The following ZNF570 variants were observed in gnomAD, a reference collection of about 807,000 sequenced individuals.
ZNF570 encodes the protein zinc finger protein 570.
A neutral mutation model predicts 14.2 loss-of-function variants in ZNF570; 8 were observed. The ratio of observed to expected loss-of-function variants is 0.56; its 90% CI spans 0.33 to 1.02. The LOEUF is 1.02. Ranked by LOEUF, ZNF570 falls within the 50% of genes least tolerant of loss-of-function variation. ZNF570 has a pLI of 0.03. For synonymous variants in ZNF570, 202 were observed against 207.6 expected (o/e 0.97, Z 0.23); for missense variants, 559 against 624.9 (o/e 0.89, Z 1.12).
chr19:37,480,450 C>G (rs2042074555), intron 4 of ZNF570, among the ~76,000 whole-genome samples: 1 of 152,130 alleles, frequency 6.6e-6, no homozygotes, highest in African/African-American at 2.4e-5. Flanking sequence ...TGCCACTGCA[C>G]TCCAGCCTGG....
chr19:37,481,740 T>G (rs575205034), intron 4 of ZNF570, among the ~76,000 whole-genome samples: 1 of 152,294 alleles, frequency 6.6e-6, no homozygotes, highest in East Asian at 1.9e-4. Flanking sequence ...TTCTCTGTGT[T>G]TATTTTTCTT....
At chr19:37,480,512 G>C (rs748575399) in intron 4 of ZNF570, among the ~76,000 whole-genome samples, 3 of 151,894 alleles carry the variant, frequency 2.0e-5, no homozygotes, top group Non-Finnish European at 2.9e-5. Flanking sequence ...AAAACACCAA[G>C]AACCTTAGAC....
rs1437758229 is a variant in ZNF570 at position 37,469,525 on chromosome 19, C to A, written c.-84C>A. ...CGTGTGGGTCTCCGGAAGCTCGTCG[C>A]AGGCCATCTGTGTGACTCCGGTGCG... On this transcript the variant is annotated 5_prime_UTR_variant, in exon 1 of 5. Transcript: ENST00000330173. The A allele has an allele frequency of 1.3e-6, 2 of 1,536,236 alleles. No homozygotes were observed. Among genetic ancestry groups the A allele is most frequent in the East Asian group, 4.9e-5 (2 of 40,910 alleles).
chr19:37,471,879 T>A (rs1441328236), intron 2 of ZNF570, among the ~76,000 whole-genome samples: 1 of 151,856 alleles, frequency 6.6e-6, no homozygotes, highest in African/African-American at 2.4e-5. Context: ...ATCAGGAAAT[T>A]AGAGACTTCA....
rs1385058626 is a variant in ZNF570 at position 37,484,126 on chromosome 19, G to C, written c.504G>C (p.Trp168Cys). The change falls in exon 5 of 5, where the codon TGG becomes TGC. Residue 168 changes from tryptophan to cysteine, a missense_variant. By Grantham distance (215) the Trp-to-Cys change is radical. Transcript: ENST00000330173. The part of the protein sequence containing the change: ...FDEREQEYKS[W>C]GSFHQNPLLC... ...AGAGAGAACAAGAATATAAATCTTG[G>C]GGAAGTTTTCATCAGAACCCACTGC... The C allele has an allele frequency of 1.2e-6, 2 of 1,613,884 alleles. No individual in the cohort carries two copies. The highest frequency in any genetic ancestry group is 2.2e-5 in the South Asian group (2 of 91,066).
At chr19:37,476,999 C>T (rs998042643) in intron 4 of ZNF570, among the ~76,000 whole-genome samples, 1 of 152,052 alleles carries the variant, frequency 6.6e-6, no homozygotes, top group African/African-American at 2.4e-5. Context: ...AACCACTGTG[C>T]CTGGCCTCTT....
In ZNF570 at chr19:37,470,284, T is replaced by A; in HGVS notation, c.-51-20T>A. On this transcript the variant is annotated intron_variant, in intron 1 of 4. Coordinates refer to ENST00000330173, the MANE Select transcript of ZNF570 (RefSeq NM_144694.5). ...GCTGCAAGAAAAGTCTAGTTTCTCA[T>A]GTTCTTTTCCCCATCTCAGTCATCT... 1 of 1,611,752 alleles carries A rather than the reference T, an allele frequency of 6.2e-7. No individual in the cohort carries two copies. The highest frequency in any genetic ancestry group is 1.3e-5 in the African/African-American group (1 of 74,992).
In ZNF570 at chr19:37,487,195, C is replaced by T. The variant is rs558684836; in HGVS notation, c.*1962C>T. 4 of 113,494 alleles carry T rather than the reference C, an allele frequency of 3.5e-5. No homozygotes were observed. The South Asian group carries it at 1.3e-3, about 37-fold the overall frequency. The allele number at this position is 113,494 out of a possible 1,614,324, so 7.0% of individuals were successfully genotyped here. On this transcript the variant is annotated 3_prime_UTR_variant, in exon 5 of 5. Transcript: ENST00000330173. ...CCAGCCTGGGCAATACAGCAAGACTCCATCTCAAAAAAAAAAAAAAAAAAA... is the reference window on the plus strand; with the variant it reads ...CCAGCCTGGGCAATACAGCAAGACTTCATCTCAAAAAAAAAAAAAAAAAAA...
rs1431163502 is a variant in ZNF570 at position 37,486,073 on chromosome 19, C to G, written c.*840C>G. 1 of 151,542 alleles carries G rather than the reference C, an allele frequency of 6.6e-6. No homozygotes were observed. The allele number at this position is 151,542 out of a possible 1,614,324, so 9.4% of individuals were successfully genotyped here. The stretch of plus-strand genomic sequence containing the variant: ...AAAAAGAAAAGAAGAGAAAAGAAAA[C>G]ACATGTTACTATCTCCAGTTAAAAC... On this transcript the variant is annotated 3_prime_UTR_variant, in exon 5 of 5. Coordinates refer to ENST00000330173, the MANE Select transcript of ZNF570 (RefSeq NM_144694.5).
Position 37,475,808 on chromosome 19 carries a change from C to G in ZNF570, c.34-73C>G, listed in dbSNP as rs150427400. 6.1e-3 allele frequency: 8,804 copies of G among 1,432,460 alleles called. 40 individuals are homozygous for G. The highest frequency in any genetic ancestry group is 6.9e-3 in the Non-Finnish European group (7,326 of 1,061,662). The allele number at this position is 1,432,460 out of a possible 1,614,324, so 88.7% of individuals were successfully genotyped here. A position where few individuals can be genotyped will look rare whatever the true frequency, so the allele number is the denominator to read the frequency against. On this transcript the variant is annotated intron_variant, in intron 2 of 4. Transcript: ENST00000330173. Reference sequence around the variant, plus strand: ...TTGAGGATGTAATATCAGAGAGAGCCCAGTGTGCCTAGGGCAGAGGAAATG... The same window carrying G: ...TTGAGGATGTAATATCAGAGAGAGCGCAGTGTGCCTAGGGCAGAGGAAATG...
chr19:37,469,223 C>G, upstream of ZNF570: 1 of 1,323,516 alleles, frequency 7.6e-7, no homozygotes, highest in Non-Finnish European at 9.7e-7. Context: ...AAACCCTGCG[C>G]GGAGCTGCAC....
In ZNF570 at chr19:37,469,405, G is replaced by C; in HGVS notation, c.-204G>C. ...TGGGTTCCATCCAACTAAGGGTAGCGGTGAGACCCGAGTGCAGATTCCCCG... is the reference window on the plus strand; with the variant it reads ...TGGGTTCCATCCAACTAAGGGTAGCCGTGAGACCCGAGTGCAGATTCCCCG... On this transcript the variant is annotated 5_prime_UTR_variant, in exon 1 of 5. Coordinates refer to ENST00000330173, the MANE Select transcript of ZNF570 (RefSeq NM_144694.5). The C allele has an allele frequency of 7.9e-6, 12 of 1,521,614 alleles. No individual in the cohort carries two copies. The highest frequency in any genetic ancestry group is 9.7e-6 in the Non-Finnish European group (11 of 1,137,922). 94.3% of individuals were successfully genotyped at this position (1,521,614 alleles called of 1,614,324 possible).
chr19:37,468,170 TC>T, upstream of ZNF570: 1 of 554,344 alleles, frequency 1.8e-6, no homozygotes, highest in South Asian at 2.4e-5. Context: ...CACTGCAGCC[TC>T]GAACTCCCGG....
At chr19:37,475,341 T>A (rs1367130929) in intron 2 of ZNF570, among the ~76,000 whole-genome samples, 2 of 152,136 alleles carry the variant, frequency 1.3e-5, no homozygotes, top group Non-Finnish European at 2.9e-5. Context: ...TACACAAAAT[T>A]TTGGGAACTC....
At chr19:37,479,284 G>A (rs981148485) in intron 4 of ZNF570, among the ~76,000 whole-genome samples, 3 of 151,922 alleles carry the variant, frequency 2.0e-5, no homozygotes, top group African/African-American at 7.2e-5. Context: ...TTCTTGATCC[G>A]TGAATTATTT....
chr19:37,480,935 C>A (rs1455186159), intron 4 of ZNF570, among the ~76,000 whole-genome samples: 1 of 151,040 alleles, frequency 6.6e-6, no homozygotes, highest in Admixed American at 6.6e-5. Context: ...GGTGACAGAG[C>A]AAGGCTCTGT....
chr19:37,469,558 G>A lies in ZNF570; in HGVS notation c.-52+1G>A. 6.5e-7 allele frequency: 1 copy of A among 1,536,330 alleles called. No individual in the cohort carries two copies. On this transcript the variant is annotated splice_donor_variant, in intron 1 of 4. Transcript: ENST00000330173. LOFTEE classifies it low-confidence loss of function (5UTR_SPLICE). Reference sequence around the variant, plus strand: ...CTGTGTGACTCCGGTGCGAGTGGAGGTTGGTACCGTTCAGTGCGAGGCTGT... The same window carrying A: ...CTGTGTGACTCCGGTGCGAGTGGAGATTGGTACCGTTCAGTGCGAGGCTGT...
chr19:37,483,154 A>G (rs975442737), intron 4 of ZNF570, among the ~76,000 whole-genome samples: 1 of 152,136 alleles, frequency 6.6e-6, no homozygotes, highest in Non-Finnish European at 1.5e-5. Flanking sequence ...TACTCACTCT[A>G]TAGCCACACT....
intron 4 of ZNF570, among the ~76,000 whole-genome samples, chr19:37,478,174 T>C (rs1055284587): frequency 2.6e-5 from 4 of 152,320 alleles, no homozygotes; most frequent in South Asian, 2.1e-4. Context: ...TTATTTATTC[T>C]GTAATCAATT....
Sources: gnomAD v4.1 joint callset for allele counts (sites outside exome capture counted in the v4.1 genomes callset) on GRCh38, gnomAD v4.1.1 for gene constraint, MANE v1.5 for transcripts, NCBI Gene and HGNC (gene_info 2026-07-23, HGNC 2026-07-21) for gene names.